Variants in MYO1D observed in about 807,000 individuals in gnomAD.
The protein encoded by MYO1D is myosin ID, also known as unconventional myosin-Id.
MYO1D carries 83 observed loss-of-function variants against 122.0 expected under a neutral mutation model. That is an observed-to-expected ratio of 0.68 (90% CI 0.57 to 0.82). The LOEUF is 0.82. Ranked by LOEUF, MYO1D falls within the 40% of genes least tolerant of loss-of-function variation. The pLI is 0.00. For synonymous variants in MYO1D, 464 were observed against 446.9 expected, an observed-to-expected ratio of 1.04 and a Z score of -0.48; for missense variants, 1,157 against 1,269.5, an observed-to-expected ratio of 0.91 and a Z score of 1.35.
chr17:32,588,112 AAAG>A (rs528304644), intron 21 of MYO1D, among the ~76,000 whole-genome samples: 84 of 152,232 alleles, frequency 5.5e-4, no homozygotes, highest in Non-Finnish European at 1.1e-3. Context: ...GGAAAATAAC[AAAG>A]AAGATTTCAG....
chr17:32,855,429 C>T (rs570134544), intron 1 of MYO1D, among the ~76,000 whole-genome samples: 27 of 152,166 alleles, frequency 1.8e-4, no homozygotes, highest in Admixed American at 1.0e-3. Flanking sequence ...GCATAGAGTA[C>T]GTATTGTTTT....
intron 14 of MYO1D, among the ~76,000 whole-genome samples, chr17:32,736,790 T>C (rs1489730539): frequency 2.6e-5 from 4 of 152,262 alleles, no homozygotes; most frequent in African/African-American, 9.6e-5. Flanking sequence ...GTTCAACTGT[T>C]TCTTGTGTCC....
chr17:32,650,270 T>A (rs1168653268), intron 19 of MYO1D, among the ~76,000 whole-genome samples: 1 of 152,248 alleles, frequency 6.6e-6, no homozygotes, highest in African/African-American at 2.4e-5. Flanking sequence ...CTTACTTGCA[T>A]TGCTTCTGAC....
At chr17:32,751,460 A>T (rs1256032468) in intron 11 of MYO1D, among the ~76,000 whole-genome samples, 1 of 152,242 alleles carries the variant, frequency 6.6e-6, no homozygotes, top group Non-Finnish European at 1.5e-5. Context: ...TTCAAACTGG[A>T]AAACAGAAGT....
intron 21 of MYO1D, among the ~76,000 whole-genome samples, chr17:32,560,082 CCCA>C (rs1429797594): frequency 6.6e-6 from 1 of 152,022 alleles, no homozygotes; most frequent in Non-Finnish European, 1.5e-5. Flanking sequence ...TGGTGAAACC[CCCA>C]TCTCTACTAA....
chr17:32,562,403 T>C (rs2087134184), intron 21 of MYO1D, among the ~76,000 whole-genome samples: 1 of 132,798 alleles, frequency 7.5e-6, no homozygotes, highest in Non-Finnish European at 1.6e-5. Context: ...TTACTATTTA[T>C]AAATAACTTA....
intron 20 of MYO1D, among the ~76,000 whole-genome samples, chr17:32,624,035 A>G (rs1177586947): frequency 6.6e-6 from 1 of 152,092 alleles, no homozygotes; most frequent in Admixed American, 6.6e-5. Flanking sequence ...ACATATACGT[A>G]AGTGATAAAA....
intron 21 of MYO1D, among the ~76,000 whole-genome samples, chr17:32,516,481 A>G (rs1345149425): frequency 6.6e-6 from 1 of 152,196 alleles, no homozygotes; most frequent in Non-Finnish European, 1.5e-5. Context: ...GGGTTCTCTC[A>G]GGCCACATTT....
chr17:32,802,944 C>T (rs954571296), intron 1 of MYO1D, among the ~76,000 whole-genome samples: 4 of 152,194 alleles, frequency 2.6e-5, no homozygotes, highest in South Asian at 2.1e-4. Flanking sequence ...GTGGCCAAAT[C>T]GCACTATTAC....
chr17:32,643,185 T>C (rs1006151903), intron 19 of MYO1D, among the ~76,000 whole-genome samples: 4 of 149,962 alleles, frequency 2.7e-5, no homozygotes, highest in African/African-American at 9.7e-5. Flanking sequence ...GATAATCATG[T>C]GTTTTTTATC....
At chr17:32,759,867 A>C (rs2089982025) in intron 10 of MYO1D, 1 of 435,422 alleles carries the variant, frequency 2.3e-6, no homozygotes, top group African/African-American at 2.0e-5. Context: ...AAACAACATT[A>C]ACTGAAGACA....
At chr17:32,752,155 T>C (rs557709558) in intron 11 of MYO1D, among the ~76,000 whole-genome samples, 224 of 152,006 alleles carry the variant, frequency 1.5e-3, no homozygotes, top group African/African-American at 5.0e-3. Flanking sequence ...TTTGACAAAG[T>C]TGACAAAAAT....
At chr17:32,567,995 G>A (rs1318539060) in intron 21 of MYO1D, among the ~76,000 whole-genome samples, 1 of 152,100 alleles carries the variant, frequency 6.6e-6, no homozygotes, top group Non-Finnish European at 1.5e-5. Flanking sequence ...TGCAAGACTA[G>A]CAAAACAATG....
At chr17:32,593,913 G>A (rs2150906675) in intron 21 of MYO1D, among the ~76,000 whole-genome samples, 1 of 152,286 alleles carries the variant, frequency 6.6e-6, no homozygotes, top group East Asian at 1.9e-4. Flanking sequence ...CTCTAGCCCG[G>A]GTGACAGTGC....
chr17:32,563,220 T>TTTTTTTTTTTTTTTC (rs2087142695), intron 21 of MYO1D, among the ~76,000 whole-genome samples: 1 of 142,686 alleles, frequency 7.0e-6, no homozygotes, highest in Non-Finnish European at 1.5e-5. Context: ...TTTTTTTTTT[T>TTTTTTTTTTTTTTTC]TTTTTTTGAG....
Position 32,876,620 on chromosome 17 carries a change from C to G in MYO1D, c.95+158G>C, listed in dbSNP as rs2091233900. The G allele has an allele frequency of 5.6e-6, 3 of 538,132 alleles. No homozygotes were observed. In the African/African-American group the frequency reaches 6.1e-5, roughly 11 times the overall value. The allele number at this position is 538,132 out of a possible 1,614,324, so 33.3% of individuals were successfully genotyped here. On this transcript the variant is annotated intron_variant, in intron 1 of 21. Transcript: ENST00000318217. Reference sequence around the variant, plus strand: ...GGCGTCCGCTCTCGGGAAAGCGCAGCCGCGGAGCTTGGCAGACCCCCGGAC... The same window carrying G: ...GGCGTCCGCTCTCGGGAAAGCGCAGGCGCGGAGCTTGGCAGACCCCCGGAC...
intron 16 of MYO1D, among the ~76,000 whole-genome samples, chr17:32,692,489 G>A (rs1356091574): frequency 6.6e-6 from 1 of 152,160 alleles, no homozygotes; most frequent in South Asian, 2.1e-4. Flanking sequence ...TTTCATAAAA[G>A]TCTGTTCAAA....
At chr17:32,554,757 G>A (rs796227686) in intron 21 of MYO1D, among the ~76,000 whole-genome samples, 2 of 152,132 alleles carry the variant, frequency 1.3e-5, no homozygotes, top group South Asian at 2.1e-4. Flanking sequence ...CAAAGGATAT[G>A]AATAATCCAT....
intron 16 of MYO1D, among the ~76,000 whole-genome samples, chr17:32,683,655 C>T (rs2150968791): frequency 6.6e-6 from 1 of 151,922 alleles, no homozygotes; most frequent in South Asian, 2.1e-4. Context: ...CTCTTCAAAG[C>T]TGTCAGACAG....
Sources: allele counts gnomAD v4.1 joint callset (sites outside exome capture counted in the v4.1 genomes callset), GRCh38; gene constraint gnomAD v4.1.1; transcripts MANE v1.5; gene names NCBI Gene and HGNC (gene_info 2026-07-23, HGNC 2026-07-21).